Variants in SUSD5 observed in about 807,000 individuals in gnomAD.
SUSD5 encodes the protein sushi domain containing 5.
In SUSD5, 33 loss-of-function variants were observed where a neutral mutation model predicts 29.5. That is an observed-to-expected ratio of 1.12 (90% CI 0.85 to 1.49). The LOEUF (loss-of-function observed/expected upper bound fraction) is 1.49, where lower values mean the gene tolerates loss of function less well. Ranked by LOEUF, SUSD5 falls within the 40% of genes most tolerant of loss-of-function variation. The pLI, the probability that SUSD5 is intolerant of heterozygous loss-of-function variation, is 0.00. For missense variants in SUSD5, 776 were observed against 800.6 expected (o/e 0.97, Z 0.37); for synonymous variants, 308 against 325.3 (o/e 0.95, Z 0.57).
intron 3 of SUSD5, among the ~76,000 whole-genome samples, chr3:33,175,288 C>T (rs1559448607): frequency 6.6e-6 from 1 of 152,156 alleles, no homozygotes; most frequent in Non-Finnish European, 1.5e-5. Flanking sequence ...CGTGAATAAA[C>T]GCCACATAAA....
intron 3 of SUSD5, among the ~76,000 whole-genome samples, chr3:33,180,849 A>T (rs58992896): frequency 0.12 from 13,859 of 116,234 alleles, 748 homozygotes; most frequent in East Asian, 0.24. Context: ...CAAAAAAAAA[A>T]TTTTTTTTTT....
intron 4 of SUSD5, among the ~76,000 whole-genome samples, chr3:33,163,202 C>T (rs973426209): frequency 1.5e-4 from 23 of 152,000 alleles, no homozygotes; most frequent in Non-Finnish European, 3.2e-4. Context: ...TACAGTGTAA[C>T]CTTGGTACCA....
At chr3:33,175,838 T>TA (rs1247516658) in intron 3 of SUSD5, among the ~76,000 whole-genome samples, 3 of 152,144 alleles carry the variant, frequency 2.0e-5, no homozygotes, top group African/African-American at 4.8e-5. Context: ...ACTCCACTGA[T>TA]ACCTCATTAT....
At chr3:33,196,278 G>C (rs978099317) in intron 3 of SUSD5, among the ~76,000 whole-genome samples, 4 of 152,228 alleles carry the variant, frequency 2.6e-5, no homozygotes, top group Admixed American at 2.6e-4. Flanking sequence ...ATATGAGCCT[G>C]TATTTGCCCA....
intron 2 of SUSD5, among the ~76,000 whole-genome samples, chr3:33,208,705 G>A (rs1467713383): frequency 6.6e-6 from 1 of 151,814 alleles, no homozygotes; most frequent in Non-Finnish European, 1.5e-5. Context: ...TTTCTTCAGT[G>A]GTACCCAGAA....
chr3:33,205,514 C>T (rs2032201568), intron 3 of SUSD5, among the ~76,000 whole-genome samples: 1 of 152,160 alleles, frequency 6.6e-6, no homozygotes, highest in Admixed American at 6.5e-5. Context: ...TATTGAGTTG[C>T]CCATGACTCA....
At chr3:33,154,979 T>C (rs1016751301) in intron 4 of SUSD5, among the ~76,000 whole-genome samples, 11 of 152,166 alleles carry the variant, frequency 7.2e-5, no homozygotes, top group Admixed American at 3.3e-4. Flanking sequence ...CAAGGCGATA[T>C]TGAAAAAGAA....
At chr3:33,201,545 G>C (rs538173438) in intron 3 of SUSD5, among the ~76,000 whole-genome samples, 11 of 152,234 alleles carry the variant, frequency 7.2e-5, no homozygotes, top group Non-Finnish European at 1.5e-4. Flanking sequence ...GGCTGCTGGT[G>C]TATCAGGACT....
Position 33,204,836 on chromosome 3 carries a change from T to C in SUSD5, c.409+2972A>G, listed in dbSNP as rs2032187057. On this transcript the variant is annotated intron_variant, in intron 3 of 4. Transcript: ENST00000309558. The surrounding 1 kb of genome is among the most constrained non-coding windows in gnomAD (Gnocchi z 4.5). ...CTACAGCCTGAGCTTTTTGAGATTT[T>C]AAAATTTTATATAATTTCAAAGTTA... 6.6e-6 allele frequency among the ~76,000 whole-genome samples: 1 copy of C among 152,146 alleles called. No individual in the cohort carries two copies. Among genetic ancestry groups the C allele is most frequent in the Non-Finnish European group, 1.5e-5 (1 of 68,026 alleles).
At chr3:33,202,975 CA>C (rs2032147860) in intron 3 of SUSD5, among the ~76,000 whole-genome samples, 2 of 152,284 alleles carry the variant, frequency 1.3e-5, no homozygotes, top group South Asian at 4.1e-4. Flanking sequence ...CAAAGAGAAG[CA>C]GCTTAGCACC....
intron 3 of SUSD5, among the ~76,000 whole-genome samples, chr3:33,207,322 A>G (rs2032240295): frequency 6.6e-6 from 1 of 152,142 alleles, no homozygotes; most frequent in African/African-American, 2.4e-5. Context: ...CACCTTTACC[A>G]TTCCCATGCA....
chr3:33,198,343 T>C (rs1193680471), intron 3 of SUSD5, among the ~76,000 whole-genome samples: 1 of 152,246 alleles, frequency 6.6e-6, no homozygotes, highest in Non-Finnish European at 1.5e-5. Context: ...CCAGGGATTC[T>C]GGGTACAGAG....
rs1434452188 is a variant in SUSD5, at chr3:33,151,712, A to G, written c.*1030T>C. The G allele has an allele frequency of 4.6e-5, 7 of 152,202 alleles. No individual in the cohort carries two copies. The highest frequency in any genetic ancestry group is 7.3e-5 in the Non-Finnish European group (5 of 68,040). The allele number at this position is 152,202 out of a possible 1,614,324, so 9.4% of individuals were successfully genotyped here. A position where few individuals can be genotyped will look rare whatever the true frequency, so the allele number is the denominator to read the frequency against. ...AACTAGGCCACTGCTTCTGAGAGGA[A>G]ATGGTACTTACTGGTACAAAGCTAA... On this transcript the variant is annotated 3_prime_UTR_variant, in exon 5 of 5. Transcript: ENST00000309558.
chr3:33,199,929 G>A (rs1397907181), intron 3 of SUSD5, among the ~76,000 whole-genome samples: 4 of 152,160 alleles, frequency 2.6e-5, no homozygotes, highest in Non-Finnish European at 5.9e-5. Flanking sequence ...GGTGAGTTCG[G>A]TTCCTCTCAC....
chr3:33,151,915 A>G lies in SUSD5; in HGVS notation c.*827T>C, dbSNP rs2125611416. The G allele has an allele frequency of 6.6e-6, 1 of 152,318 alleles. No homozygotes were observed. 9.4% of individuals were successfully genotyped at this position (152,318 alleles called of 1,614,324 possible). A position where few individuals can be genotyped will look rare whatever the true frequency, so the allele number is the denominator to read the frequency against. On this transcript the variant is annotated 3_prime_UTR_variant, in exon 5 of 5. Coordinates refer to ENST00000309558, the MANE Select transcript of SUSD5 (RefSeq NM_015551.2). The stretch of plus-strand genomic sequence containing the variant: ...TTCTAATTTCAAGAAACAATGAAAA[A>G]AGAAACCTCAAAGCTTCTAGACTGT...
At position 33,152,587 on chromosome 3, in the gene SUSD5, G is replaced by T; in HGVS notation, c.*155C>A. The stretch of plus-strand genomic sequence containing the variant: ...CACCAAAGCCTCCCTGCCCTCCCAG[G>T]TGCTCCAGAGACACTTCTCAGCCTA... On this transcript the variant is annotated 3_prime_UTR_variant, in exon 5 of 5. Transcript: ENST00000309558. 2.6e-6 allele frequency: 2 copies of T among 780,750 alleles called. No individual in the cohort carries two copies. The highest frequency in any genetic ancestry group is 4.0e-6 in the Non-Finnish European group (2 of 497,406). 48.4% of individuals were successfully genotyped at this position (780,750 alleles called of 1,614,324 possible).
In SUSD5 at chr3:33,209,602, CTCTT is replaced by C. The variant is rs1039235761; in HGVS notation, c.291-1680_291-1677del. On this transcript the variant is annotated intron_variant, in intron 2 of 4. Coordinates refer to ENST00000309558, the MANE Select transcript of SUSD5 (RefSeq NM_015551.2). ...CTTTCCTTCATTCCTTCCTTCCTTC[CTCTT>C]TCTCTCTTCCTTCCTTCCTTTTCTT... 8.9e-5 allele frequency among the ~76,000 whole-genome samples: 13 copies of C among 146,356 alleles called. No homozygotes were observed. In the South Asian group the frequency reaches 1.1e-3, roughly 12 times the overall value.
chr3:33,179,549 T>G (rs1304251938), intron 3 of SUSD5, among the ~76,000 whole-genome samples: 1 of 152,198 alleles, frequency 6.6e-6, no homozygotes, highest in Non-Finnish European at 1.5e-5. Flanking sequence ...ATATAGGTCT[T>G]ATGACCTATT....
Position 33,152,369 on chromosome 3 carries a change from C to T in SUSD5, c.*373G>A, listed in dbSNP as rs1246729873. The stretch of plus-strand genomic sequence containing the variant: ...TGGGAGGCAGAGGTTGCAGTGAGCT[C>T]AGATCGGGACACTGCACTCCAGCCT... On this transcript the variant is annotated 3_prime_UTR_variant, in exon 5 of 5. Coordinates refer to ENST00000309558, the MANE Select transcript of SUSD5 (RefSeq NM_015551.2). 5.8e-6 allele frequency: 1 copy of T among 171,554 alleles called. No individual in the cohort carries two copies. Among genetic ancestry groups the T allele is most frequent in the Non-Finnish European group, 1.3e-5 (1 of 79,868 alleles). The allele number at this position is 171,554 out of a possible 1,614,324, so 10.6% of individuals were successfully genotyped here.
Sources: gnomAD v4.1 joint callset for allele counts (sites outside exome capture counted in the v4.1 genomes callset) on GRCh38, gnomAD v4.1.1 for gene constraint, Gnocchi (gnomAD v3.1) non-coding constraint, MANE v1.5 for transcripts, NCBI Gene and HGNC (gene_info 2026-07-23, HGNC 2026-07-21) for gene names.